Variants in ZNF600 observed in about 807,000 individuals in gnomAD.
The protein encoded by ZNF600 is zinc finger protein 600.
Under a neutral mutation model 7.3 loss-of-function variants are expected in ZNF600, and 4 were observed. The ratio of observed to expected loss-of-function variants is 0.55; its 90% CI spans 0.27 to 1.25. The LOEUF is 1.25. ZNF600 is among the 50% of genes most tolerant of loss of function. The pLI, the probability that ZNF600 is intolerant of heterozygous loss-of-function variation, is 0.12. For missense variants in ZNF600, 911 were observed against 922.1 expected (o/e 0.99, Z 0.16); for synonymous variants, 290 against 308.9 (o/e 0.94, Z 0.64).
chr19:52,816,450 G>C, the ZNF600 span, among the ~76,000 whole-genome samples: 1 of 145,502 alleles, frequency 6.9e-6, no homozygotes, highest in African/African-American at 2.7e-5. Context: ...GGATAACGAG[G>C]TCAGGAGATT....
At chr19:52,776,023 A>G (rs2062672158) in intron 2 of ZNF600, among the ~76,000 whole-genome samples, 1 of 150,480 alleles carries the variant, frequency 6.6e-6, no homozygotes, top group South Asian at 2.1e-4. Flanking sequence ...AAAAACCAAA[A>G]ACCAAAAACT....
upstream of ZNF600, among the ~76,000 whole-genome samples, chr19:52,789,169 C>T (rs762137910): frequency 6.6e-6 from 1 of 152,176 alleles, no homozygotes; most frequent in Non-Finnish European, 1.5e-5. Flanking sequence ...AGAAAGGCTG[C>T]TTGTCACTTG....
chr19:52,766,308 G>C, exon 4 of ZNF600: 1 of 1,614,136 alleles, frequency 6.2e-7, no homozygotes, highest in Non-Finnish European at 8.5e-7. Context: ...TGCCAGATAG[G>C]AATGACACGC....
intron 1 of ZNF600, chr19:52,780,710 A>G (rs2062713728): frequency 6.6e-6 from 1 of 152,152 alleles, no homozygotes; most frequent in Non-Finnish European, 1.5e-5. Flanking sequence ...CCTCAGCCAC[A>G]AGAGTGAAAA....
At chr19:52,769,845 G>A (rs1008805172) in intron 3 of ZNF600, among the ~76,000 whole-genome samples, 4 of 152,128 alleles carry the variant, frequency 2.6e-5, no homozygotes, top group African/African-American at 9.7e-5. Context: ...GTGAGCCACT[G>A]TACCTGGTGG....
intron 1 of ZNF600, among the ~76,000 whole-genome samples, chr19:52,780,151 TTACA>T (rs1467040821): frequency 6.6e-6 from 1 of 152,200 alleles, no homozygotes; most frequent in Non-Finnish European, 1.5e-5. Flanking sequence ...AATGTACTTC[TTACA>T]TATATTGATT....
chr19:52,779,847 C>T (rs1311801787), intron 1 of ZNF600, among the ~76,000 whole-genome samples: 2 of 152,104 alleles, frequency 1.3e-5, no homozygotes, highest in African/African-American at 4.8e-5. Flanking sequence ...TGGACACCAG[C>T]CAGCCAACAT....
At chr19:52,786,869 G>A (rs2062768926), upstream of ZNF600, 1 of 213,830 alleles carries the variant, frequency 4.7e-6, no homozygotes, top group African/African-American at 2.3e-5. Flanking sequence ...TTGCCCTTTA[G>A]AACCGGCAGA....
At chr19:52,789,046 G>A (rs2062785218), upstream of ZNF600, among the ~76,000 whole-genome samples, 1 of 152,154 alleles carries the variant, frequency 6.6e-6, no homozygotes, top group East Asian at 1.9e-4. Context: ...CACAGAACAG[G>A]CAACATGGGC....
the ZNF600 span, chr19:52,799,134 C>T: frequency 2.5e-6 from 1 of 407,576 alleles, no homozygotes; most frequent in Non-Finnish European, 4.8e-6. Context: ...ACTATGATGA[C>T]TTGCAAGGTG....
the ZNF600 span, chr19:52,800,905 G>C: frequency 1.4e-5 from 23 of 1,613,890 alleles, no homozygotes; most frequent in African/African-American, 6.7e-5. Context: ...TGTGTTTCAA[G>C]GTGTGATTTG....
chr19:52,818,057 T>C, the ZNF600 span: 4 of 1,576,004 alleles, frequency 2.5e-6, no homozygotes, highest in Non-Finnish European at 3.5e-6. Flanking sequence ...ATGTTGTTTA[T>C]TGCTCAGAAT....
At chr19:52,821,365 A>T in the ZNF600 span, among the ~76,000 whole-genome samples, 1 of 152,180 alleles carries the variant, frequency 6.6e-6, no homozygotes, top group Non-Finnish European at 1.5e-5. Flanking sequence ...GGAAGTGTAT[A>T]CATTGCCCTG....
the ZNF600 span, among the ~76,000 whole-genome samples, chr19:52,808,981 T>C: frequency 6.6e-6 from 1 of 152,216 alleles, no homozygotes; most frequent in African/African-American, 2.4e-5. Flanking sequence ...TTTCAAAATA[T>C]ATACAGATGT....
At position 52,775,903 on chromosome 19, in the gene ZNF600, G is replaced by C. The variant is rs540498682; in HGVS notation, c.64-1202C>G. Among the ~76,000 whole-genome samples the C allele has an allele frequency of 5.3e-5, 8 of 152,176 alleles. No individual in the cohort carries two copies. The East Asian group carries it at 1.5e-3, about 29-fold the overall frequency. On this transcript the variant is annotated intron_variant, in intron 2 of 3. Transcript: ENST00000648973. ...TGCCTGTAATCCCCAATACTCGGGA[G>C]GCTGAGGCTGGAGAATTGCTTGAAA... is the stretch of plus-strand genomic sequence containing the variant.
chr19:52,806,333 A>ACAGCCACC, the ZNF600 span, among the ~76,000 whole-genome samples: 122 of 152,070 alleles, frequency 8.0e-4, no homozygotes, highest in Non-Finnish European at 1.5e-3. Context: ...AGCTTGGATT[A>ACAGCCACC]CAGCCACCCA....
chr19:52,768,828 C>T (rs1248752936), intron 3 of ZNF600, among the ~76,000 whole-genome samples: 2 of 152,102 alleles, frequency 1.3e-5, no homozygotes, highest in African/African-American at 4.8e-5. Flanking sequence ...AAGAGTTATA[C>T]TAGATCTAGA....
At chr19:52,810,681 A>G in the ZNF600 span, 1 of 880,660 alleles carries the variant, frequency 1.1e-6, no homozygotes, top group Admixed American at 1.7e-5. Flanking sequence ...GCCGGGCTAG[A>G]GCGACATCAC....
the ZNF600 span, among the ~76,000 whole-genome samples, chr19:52,811,859 C>G: frequency 3.5e-5 from 5 of 141,778 alleles, no homozygotes; most frequent in African/African-American, 1.4e-4. Context: ...CCCCTCTGCC[C>G]GGCCAGCCGC....
Sources: allele counts gnomAD v4.1 joint callset (sites outside exome capture counted in the v4.1 genomes callset), GRCh38; gene constraint gnomAD v4.1.1; transcripts MANE v1.5; gene names NCBI Gene and HGNC (gene_info 2026-07-23, HGNC 2026-07-21).